Variants in MACF1 observed in about 807,000 individuals in gnomAD.
MACF1 encodes microtubule actin crosslinking factor 1, also known as microtubule-actin cross-linking factor 1.
MACF1 carries 193 observed loss-of-function variants against 854.8 expected under a neutral mutation model. That is an observed-to-expected ratio of 0.23 (90% CI 0.20 to 0.25). MACF1 has a LOEUF of 0.25. MACF1 is among the 10% of genes least tolerant of loss of function. The pLI, the probability that MACF1 is intolerant of heterozygous loss-of-function variation, is 1.00. For synonymous variants in MACF1, 3,185 were observed against 3,226.7 expected, an observed-to-expected ratio of 0.99 and a Z score of 0.44; for missense variants, 7,722 against 8,929.1, an observed-to-expected ratio of 0.86 and a Z score of 5.45.
chr1:39,363,608 T>C (rs76011462), intron 49 of MACF1, among the ~76,000 whole-genome samples: 63 of 71,268 alleles, frequency 8.8e-4, no homozygotes, highest in Admixed American at 3.7e-3. Context: ...TTCTTTCTTT[T>C]TTTTTTTTTT....
Position 39,442,820 on chromosome 1 carries a change from G to C in MACF1, c.19211G>C (p.Arg6404Thr). ...GCTGGAGATGATGCCAGCAGCTTAAGGAGCCGTTTGGAAGCCATGAACCAA... is the reference window on the plus strand; with the variant it reads ...GCTGGAGATGATGCCAGCAGCTTAACGAGCCGTTTGGAAGCCATGAACCAA... ...SSAGDDASSL[R>T]SRLEAMNQCW... The change falls in exon 78 of 101, where the codon AGG becomes ACG. Residue 6404 changes from arginine (R) to threonine (T), a missense_variant. By Grantham distance (71) the Arg-to-Thr change is moderately conservative. This residue lies in a region of MACF1 where 729 missense variants were observed against 900.5 expected (regional missense o/e 0.81). Coordinates refer to ENST00000564288, the MANE Select transcript of MACF1 (RefSeq NM_001394062.1). 6.2e-7 allele frequency: 1 copy of C among 1,614,138 alleles called. No homozygotes were observed. Among genetic ancestry groups the C allele is most frequent in the Non-Finnish European group, 8.5e-7 (1 of 1,179,988 alleles).
At chr1:39,126,868 A>G (rs1277470342) in intron 2 of MACF1, among the ~76,000 whole-genome samples, 1 of 152,204 alleles carries the variant, frequency 6.6e-6, no homozygotes, top group African/African-American at 2.4e-5. Flanking sequence ...AGAGGAGTGA[A>G]CATATATGAA....
intron 2 of MACF1, among the ~76,000 whole-genome samples, chr1:39,169,779 T>C (rs1266751753): frequency 1.4e-5 from 2 of 144,950 alleles, no homozygotes; most frequent in Non-Finnish European, 1.5e-5. Flanking sequence ...CTTTCTTTTT[T>C]TTTTTTTTTT....
chr1:39,121,339 T>C (rs1642705471), intron 2 of MACF1, among the ~76,000 whole-genome samples: 1 of 152,222 alleles, frequency 6.6e-6, no homozygotes, highest in Non-Finnish European at 1.5e-5. Flanking sequence ...ATGTGTATTA[T>C]GGACTTAACT....
At chr1:39,343,985 C>T (rs1037412834) in intron 40 of MACF1, among the ~76,000 whole-genome samples, 1 of 151,902 alleles carries the variant, frequency 6.6e-6, no homozygotes, top group African/African-American at 2.4e-5. Flanking sequence ...CGTGGTGGCA[C>T]ATGCCTGTAA....
At chr1:39,462,540 C>T (rs1046924269) in intron 93 of MACF1, among the ~76,000 whole-genome samples, 11 of 59,964 alleles carry the variant, frequency 1.8e-4, no homozygotes, top group Non-Finnish European at 2.4e-4. Context: ...TTCTGTCTGT[C>T]CCCCCCGCCA....
intron 51 of MACF1, among the ~76,000 whole-genome samples, chr1:39,371,690 A>G (rs1233801600): frequency 6.6e-6 from 1 of 151,962 alleles, no homozygotes; most frequent in African/African-American, 2.4e-5. Context: ...ATAGCCTATG[A>G]TTCTATGTAT....
intron 23 of MACF1, among the ~76,000 whole-genome samples, chr1:39,305,242 C>T (rs1296349573): frequency 7.1e-6 from 1 of 140,826 alleles, no homozygotes; most frequent in Non-Finnish European, 1.5e-5. Flanking sequence ...GCCTGGGTGA[C>T]AGAGTGAGAC....
At chr1:39,469,690 A>G in intron 97 of MACF1, 75 bp downstream of exon 97, 2 of 1,164,712 alleles carry the variant, frequency 1.7e-6, no homozygotes, top group Non-Finnish European at 2.5e-6. Context: ...AAACTGTAAC[A>G]TCTCTTGGTT....
chr1:39,114,438 A>G (rs530321739), intron 2 of MACF1, among the ~76,000 whole-genome samples: 29 of 152,214 alleles, frequency 1.9e-4, no homozygotes, highest in African/African-American at 6.7e-4. Flanking sequence ...TCCCTAGATT[A>G]AAAGAGCATA....
intron 1 of MACF1, among the ~76,000 whole-genome samples, chr1:39,213,917 G>A (rs1467985125): frequency 1.3e-5 from 2 of 152,180 alleles, no homozygotes; most frequent in African/African-American, 4.8e-5. Context: ...AGGATTATTA[G>A]CAGTTTGTAG....
rs115251547 is a variant in MACF1, at chr1:39,458,199, A to T, written c.21076-171A>T. ...AATCACATTTCAACATGAGATTTGG[A>T]GGGGACAAATATCCAAACTACATCC... On this transcript the variant is annotated intron_variant, in intron 89 of 100. Coordinates refer to ENST00000564288, the MANE Select transcript of MACF1 (RefSeq NM_001394062.1). 5,101 of 585,426 alleles carry T rather than the reference A, an allele frequency of 8.7e-3. 227 individuals are homozygous for T. The highest frequency in any genetic ancestry group is 0.087 in the African/African-American group (4,668 of 53,674). The allele number at this position is 585,426 out of a possible 1,614,324, so 36.3% of individuals were successfully genotyped here. A position where few individuals can be genotyped will look rare whatever the true frequency, so the allele number is the denominator to read the frequency against.
intron 89 of MACF1, chr1:39,457,730 C>G (rs1290865625): frequency 3.3e-5 from 5 of 152,460 alleles, no homozygotes; most frequent in Non-Finnish European, 7.3e-5. Context: ...TGTCAGGCAT[C>G]CCTGTCTCTG....
chr1:39,268,706 T>G, intron 6 of MACF1: 1 of 1,276,102 alleles, frequency 7.8e-7, no homozygotes, highest in Non-Finnish European at 1.0e-6. Context: ...AAATGGGAAA[T>G]TCACTGGGCT....
chr1:39,332,119 C>A lies in MACF1; in HGVS notation c.5531C>A (p.Ser1844Tyr), dbSNP rs1255606637. Residue 1844 changes from serine to tyrosine, a missense_variant, in exon 37 of 101, where the codon TCC becomes TAC. By Grantham distance (144) the Ser-to-Tyr change is moderately radical. Around this residue, in one of 15 missense-constraint regions of MACF1, gnomAD observed 1,531 missense variants for 1,601.6 expected, o/e 0.96. Coordinates refer to ENST00000564288, the MANE Select transcript of MACF1 (RefSeq NM_001394062.1). ...AAGATCGCCCTTGTGATTCTGGAGT[C>A]CCTCTGGTCATTCATGGGGTTGCTG... is the stretch of plus-strand genomic sequence containing the variant. ...AAKIALVILE[S>Y]LWSFMGLLWP... 8.7e-6 allele frequency: 14 copies of A among 1,613,904 alleles called. No homozygotes were observed. Among genetic ancestry groups the A allele is most frequent in the Non-Finnish European group, 1.2e-5 (14 of 1,180,002 alleles).
rs753296242 is a variant in MACF1 at position 39,285,338 on chromosome 1, G to T, written c.1301G>T (p.Gly434Val). Reference sequence around the variant, plus strand: ...CAGATTGCAAACAAAATCCAGAATGGTGCTTTGAACTGTGAAGAAAAACTG... The same window carrying T: ...CAGATTGCAAACAAAATCCAGAATGTTGCTTTGAACTGTGAAGAAAAACTG... ...LLQIANKIQN[G>V]ALNCEEKLTL... Residue 434 changes from glycine to valine, a missense_variant, in exon 13 of 101, where the codon GGT (glycine) becomes GTT (valine). By Grantham distance (109) the Gly-to-Val change is moderately radical (BLOSUM62 -3). This residue lies in a region of MACF1 where 1,137 missense variants were observed against 1,263.0 expected (regional missense o/e 0.90). Transcript: ENST00000564288. 2.5e-6 allele frequency: 4 copies of T among 1,614,136 alleles called. No individual in the cohort carries two copies. Among genetic ancestry groups the T allele is most frequent in the Non-Finnish European group, 3.4e-6 (4 of 1,180,020 alleles).
intron 2 of MACF1, among the ~76,000 whole-genome samples, chr1:39,087,644 A>G (rs1641706370): frequency 6.6e-6 from 1 of 152,228 alleles, no homozygotes; most frequent in South Asian, 2.1e-4. Flanking sequence ...TTTATGGTTT[A>G]CACAGAGATT....
intron 2 of MACF1, among the ~76,000 whole-genome samples, chr1:39,136,743 T>G (rs1200909078): frequency 6.6e-6 from 1 of 152,200 alleles, no homozygotes; most frequent in East Asian, 1.9e-4. Flanking sequence ...TATTTAGTAT[T>G]AGTCAACTAA....
chr1:39,167,174 CT>C (rs1274876163), intron 2 of MACF1, among the ~76,000 whole-genome samples: 1 of 151,752 alleles, frequency 6.6e-6, no homozygotes, highest in African/African-American at 2.4e-5. Flanking sequence ...GTTGGCCAGG[CT>C]TGTCTTGAAC....
Sources: gnomAD v4.1 joint callset for allele counts (sites outside exome capture counted in the v4.1 genomes callset) on GRCh38, gnomAD v4.1.1 for gene constraint, gnomAD v4.1.1 regional missense constraint, MANE v1.5 for transcripts, NCBI Gene and HGNC (gene_info 2026-07-23, HGNC 2026-07-21) for gene names.